Variants in CD79A observed in about 807,000 individuals in gnomAD.
CD79A encodes the protein B-cell antigen receptor complex-associated protein alpha chain.
CD79A carries 16 observed loss-of-function variants against 27.4 expected under a neutral mutation model. That is an observed-to-expected ratio of 0.58 (90% CI 0.40 to 0.89). CD79A has a LOEUF of 0.89. Among genes scored for constraint, CD79A ranks in the 40% least tolerant of loss-of-function variants. CD79A has a pLI of 0.00. For missense variants in CD79A, 237 were observed against 299.7 expected, an observed-to-expected ratio of 0.79 and a Z score of 1.55; for synonymous variants, 110 against 132.7, an observed-to-expected ratio of 0.83 and a Z score of 1.18.
At position 41,880,391 on chromosome 19, in the gene CD79A, AAGAGAGAG is replaced by A. The variant is rs370824087; in HGVS notation, c.499-256_499-249del. Among the ~76,000 whole-genome samples the A allele has an allele frequency of 1.6e-3, 198 of 121,592 alleles. 2 individuals are homozygous for A. In the East Asian group the frequency reaches 0.027, roughly 17 times the overall value. The allele number at this position is 121,592 out of a possible 152,430, so 79.8% of individuals were successfully genotyped here. ...GGGAGAAGAAAGAGAGAGAGAGAGA[AAGAGAGAG>A]AGAGAGAGAGAGAGAGAGAGAGGGC... On this transcript the variant is annotated intron_variant, in intron 3 of 4. Coordinates refer to ENST00000221972, the MANE Select transcript of CD79A (RefSeq NM_001783.4).
At chr19:41,880,455 A>AGGGAAG (rs1409047534) in intron 3 of CD79A, among the ~76,000 whole-genome samples, 40 of 50,158 alleles carry the variant, frequency 8.0e-4, no homozygotes, top group South Asian at 2.6e-3. Flanking sequence ...AGGGAAGGGA[A>AGGGAAG]GGAAGGAAGG....
rs2074195298 is a variant in CD79A at position 41,877,431 on chromosome 19, G to C, written c.79+48G>C. The C allele has an allele frequency of 6.7e-7, 1 of 1,492,230 alleles. No homozygotes were observed. The highest frequency in any genetic ancestry group is 9.4e-7 in the Non-Finnish European group (1 of 1,068,826). The allele number at this position is 1,492,230 out of a possible 1,614,324, so 92.4% of individuals were successfully genotyped here. ...CTGGCGGGAGGTGGGGGAAGCTGTG[G>C]AGGCTGCAGAGAGGGCACAGGCAGA... On this transcript the variant is annotated intron_variant, in intron 1 of 4. Coordinates refer to ENST00000221972, the MANE Select transcript of CD79A (RefSeq NM_001783.4). This position sits in a 1 kb window ranked among gnomAD's most constrained non-coding sequence, Gnocchi z 4.1.
At position 41,878,965 on chromosome 19, in the gene CD79A, A is replaced by AC; in HGVS notation, c.80-22dup. 9.8e-6 allele frequency: 6 copies of AC among 612,060 alleles called. No individual in the cohort carries two copies. Among genetic ancestry groups the AC allele is most frequent in the Non-Finnish European group, 1.9e-5 (6 of 322,936 alleles). 37.9% of individuals were successfully genotyped at this position (612,060 alleles called of 1,614,324 possible). A position where few individuals can be genotyped will look rare whatever the true frequency, so the allele number is the denominator to read the frequency against. On this transcript the variant is annotated intron_variant, in intron 1 of 4. Transcript: ENST00000221972. This position sits in a 1 kb window ranked among gnomAD's most constrained non-coding sequence, Gnocchi z 4.3. The stretch of plus-strand genomic sequence containing the variant: ...AATGTGTCACCATCCCCAGTCCCTG[A>AC]CCCACCCACCCTGTCTCTCCACAGG...
rs1288249901 is a variant in CD79A, at chr19:41,879,175, G to A, written c.265G>A (p.Gly89Ser). Residue 89 changes from glycine (G) to serine (S), a missense_variant, in exon 2 of 5, where the codon GGT becomes AGT. Transcript: ENST00000221972. This position sits in a 1 kb window ranked among gnomAD's most constrained non-coding sequence, Gnocchi z 5.1. ...EFLGPGEDPN[G>S]TLIIQNVNKS... ...CTTGGGCCCGGGCGAGGACCCCAAT[G>A]GTACGCTGATCATCCAGAATGTGAA... 6.2e-7 allele frequency: 1 copy of A among 1,613,960 alleles called. No homozygotes were observed.
At position 41,879,397 on chromosome 19, in the gene CD79A, C is replaced by G. The variant is rs1250308268; in HGVS notation, c.379+108C>G. 7.7e-7 allele frequency: 1 copy of G among 1,295,574 alleles called. No homozygotes were observed. Among genetic ancestry groups the G allele is most frequent in the African/African-American group, 1.5e-5 (1 of 68,434 alleles). The allele number at this position is 1,295,574 out of a possible 1,614,324, so 80.3% of individuals were successfully genotyped here. On this transcript the variant is annotated intron_variant, in intron 2 of 4. Transcript: ENST00000221972. This position sits in a 1 kb window ranked among gnomAD's most constrained non-coding sequence, Gnocchi z 5.1. ...ACCTTCAATGTGGGTTTCAAACCGG[C>G]TTGGACAGAGGGACGGACATTCTCC...
Position 41,879,138 on chromosome 19 carries a change from G to A in CD79A, c.228G>A (p.Trp76Ter). Residue 76 changes from tryptophan to a stop codon, truncating the protein, a stop_gained, in exon 2 of 5, where the codon TGG (tryptophan) becomes TGA (stop). Transcript: ENST00000221972. LOFTEE classifies it high-confidence loss of function. The surrounding 1 kb of genome is among the most constrained non-coding windows in gnomAD (Gnocchi z 5.1). ...GCGTCCTCCATGGCAACTACACGTGGCCCCCTGAGTTCTTGGGCCCGGGCG... is the reference window on the plus strand; with the variant it reads ...GCGTCCTCCATGGCAACTACACGTGACCCCCTGAGTTCTTGGGCCCGGGCG... ...WWRVLHGNYT[W>*]PPEFLGPGED... The A allele has an allele frequency of 6.2e-7, 1 of 1,614,078 alleles. No homozygotes were observed. The highest frequency in any genetic ancestry group is 8.5e-7 in the Non-Finnish European group (1 of 1,180,028).
At chr19:41,880,001 T>G (rs975543788) in intron 3 of CD79A, among the ~76,000 whole-genome samples, 12 of 151,944 alleles carry the variant, frequency 7.9e-5, no homozygotes, top group Non-Finnish European at 1.5e-5. Context: ...CCAGGGAAGG[T>G]GGGGCCTGGT....
chr19:41,881,271 C>G lies in CD79A; in HGVS notation c.*291C>G, dbSNP rs1213660314. 2 of 529,658 alleles carry G rather than the reference C, an allele frequency of 3.8e-6. No individual in the cohort carries two copies. The highest frequency in any genetic ancestry group is 6.9e-6 in the Non-Finnish European group (2 of 290,656). 32.8% of individuals were successfully genotyped at this position (529,658 alleles called of 1,614,324 possible). A position where few individuals can be genotyped will look rare whatever the true frequency, so the allele number is the denominator to read the frequency against. On this transcript the variant is annotated 3_prime_UTR_variant, in exon 5 of 5. Coordinates refer to ENST00000221972, the MANE Select transcript of CD79A (RefSeq NM_001783.4). ...CCCCAGCGGGTAATGAGCCCTTAATCGCTGCCTCTAGGGGAGCTGATTGTA... is the reference window on the plus strand; with the variant it reads ...CCCCAGCGGGTAATGAGCCCTTAATGGCTGCCTCTAGGGGAGCTGATTGTA...
At position 41,881,302 on chromosome 19, in the gene CD79A, C is replaced by T. The variant is rs546799122; in HGVS notation, c.*322C>T. 332 of 483,730 alleles carry T rather than the reference C, an allele frequency of 6.9e-4. 4 individuals carry two copies. Among genetic ancestry groups the T allele is most frequent in the African/African-American group, 5.9e-3 (306 of 52,162 alleles). The allele number at this position is 483,730 out of a possible 1,614,324, so 30.0% of individuals were successfully genotyped here. A position where few individuals can be genotyped will look rare whatever the true frequency, so the allele number is the denominator to read the frequency against. ...CTCTAGGGGAGCTGATTGTAGCAGC[C>T]TCGTTAGTGTCACCCCCTCCTCCCT... On this transcript the variant is annotated 3_prime_UTR_variant, in exon 5 of 5. Coordinates refer to ENST00000221972, the MANE Select transcript of CD79A (RefSeq NM_001783.4).
In CD79A at chr19:41,881,065, C is replaced by CA. The variant is rs2074221766; in HGVS notation, c.*86dup. On this transcript the variant is annotated 3_prime_UTR_variant, in exon 5 of 5. Transcript: ENST00000221972. Reference sequence around the variant, plus strand: ...TCACTTCCCTGGGACATTCTCCTTTCAGCCCTTCTGGGGGCTTCCTTAGTC... The same window carrying CA: ...TCACTTCCCTGGGACATTCTCCTTTCAAGCCCTTCTGGGGGCTTCCTTAGTC... 1.2e-6 allele frequency: 1 copy of CA among 862,930 alleles called. No individual in the cohort carries two copies. Among genetic ancestry groups the CA allele is most frequent in the African/African-American group, 1.7e-5 (1 of 60,064 alleles). The allele number at this position is 862,930 out of a possible 1,614,324, so 53.5% of individuals were successfully genotyped here.
intron 3 of CD79A, among the ~76,000 whole-genome samples, chr19:41,880,375 A>AAGAG (rs1277491929): frequency 1.4e-5 from 2 of 141,884 alleles, no homozygotes; most frequent in African/African-American, 2.6e-5. Context: ...AGGGAGAAGA[A>AAGAG]AGAGAGAGAG....
In CD79A at chr19:41,879,084, C is replaced by T; in HGVS notation, c.174C>T (p.Ser58=). The change falls in exon 2 of 5, where the codon AGC becomes AGT. Residue 58 remains serine, a synonymous_variant. Coordinates refer to ENST00000221972, the MANE Select transcript of CD79A (RefSeq NM_001783.4). The surrounding 1 kb of genome is among the most constrained non-coding windows in gnomAD (Gnocchi z 5.1). ...CCCACTTCCAATGCCCGCACAATAG[C>T]AGCAACAACGCCAACGTCACCTGGT... The part of the protein sequence containing the change: ...EDAHFQCPHN[S]SNNANVTWWR... The T allele has an allele frequency of 6.2e-7, 1 of 1,614,048 alleles. No homozygotes were observed. Among genetic ancestry groups the T allele is most frequent in the Non-Finnish European group, 8.5e-7 (1 of 1,179,996 alleles).
Position 41,881,287 on chromosome 19 carries a change from G to A in CD79A, c.*307G>A. ...GCCCTTAATCGCTGCCTCTAGGGGA[G>A]CTGATTGTAGCAGCCTCGTTAGTGT... On this transcript the variant is annotated 3_prime_UTR_variant, in exon 5 of 5. Transcript: ENST00000221972. The A allele has an allele frequency of 2.0e-6, 1 of 500,596 alleles. No individual in the cohort carries two copies. The highest frequency in any genetic ancestry group is 3.7e-6 in the Non-Finnish European group (1 of 272,464). 31.0% of individuals were successfully genotyped at this position (500,596 alleles called of 1,614,324 possible).
Position 41,877,346 on chromosome 19 carries a change from C to T in CD79A, c.42C>T (p.Thr14=). 2 of 1,614,158 alleles carry T rather than the reference C, an allele frequency of 1.2e-6. No homozygotes were observed. Among genetic ancestry groups the T allele is most frequent in the Non-Finnish European group, 1.7e-6 (2 of 1,179,998 alleles). Residue 14 remains threonine (T), a synonymous_variant, in exon 1 of 5, where the codon ACC becomes ACT. Transcript: ENST00000221972. The surrounding 1 kb of genome is among the most constrained non-coding windows in gnomAD (Gnocchi z 4.1). ...GPGVLQALPA[T]IFLLFLLSAV... Reference sequence around the variant, plus strand: ...GAGTCCTCCAAGCTCTGCCTGCCACCATCTTCCTCCTCTTCCTGCTGTCTG... The same window carrying T: ...GAGTCCTCCAAGCTCTGCCTGCCACTATCTTCCTCCTCTTCCTGCTGTCTG...
At chr19:41,880,636 C>T (rs1358427906) in intron 3 of CD79A, 34 bp from the exon 4 acceptor site, 1 of 1,420,472 alleles carries the variant, frequency 7.0e-7, no homozygotes, top group Admixed American at 2.0e-5. Context: ...CCTCCCCCTG[C>T]TCACTGAGGC....
In CD79A at chr19:41,879,002, AG is replaced by A; in HGVS notation, c.94del (p.Ala32ProfsTer11). The A allele has an allele frequency of 8.3e-7, 1 of 1,212,068 alleles. No homozygotes were observed. The highest frequency in any genetic ancestry group is 1.1e-6 in the Non-Finnish European group (1 of 883,982). The allele number at this position is 1,212,068 out of a possible 1,614,324, so 75.1% of individuals were successfully genotyped here. On this transcript the variant is annotated frameshift_variant, in exon 2 of 5. Transcript: ENST00000221972. LOFTEE classifies it high-confidence loss of function. This position sits in a 1 kb window ranked among gnomAD's most constrained non-coding sequence, Gnocchi z 5.1. ...LSAVYLGPGCQALWMHKVPAS... is the reference protein window; with the variant it reads ...LSAVYLGPGCXALWMHKVPAS... ...TGTCTCTCCACAGGCCCTGGGTGCC[AG>A]GCCCTGTGGATGCACAAGGTCCCAG...
At position 41,879,645 on chromosome 19, in the gene CD79A, C is replaced by T. The variant is rs1475475481; in HGVS notation, c.490C>T (p.Leu164=). The change falls in exon 3 of 5, where the codon CTG becomes TTG. Residue 164 remains leucine, a synonymous_variant. Coordinates refer to ENST00000221972, the MANE Select transcript of CD79A (RefSeq NM_001783.4). The surrounding 1 kb of genome is among the most constrained non-coding windows in gnomAD (Gnocchi z 5.1). The part of the protein sequence containing the change: ...FCAVVPGTLL[L]FRKRWQNEKL... ...CGCGGTGGTGCCTGGGACGCTGCTG[C>T]TGTTCAGGGTGAGCCCCCTCGGACC... is the stretch of plus-strand genomic sequence containing the variant. The T allele has an allele frequency of 6.2e-7, 1 of 1,606,534 alleles. No individual in the cohort carries two copies. Among genetic ancestry groups the T allele is most frequent in the Middle Eastern group, 1.7e-4 (1 of 6,048 alleles).
In CD79A at chr19:41,878,426, G is replaced by T. The variant is rs554540610; in HGVS notation, c.80-564G>T. On this transcript the variant is annotated intron_variant, in intron 1 of 4. Coordinates refer to ENST00000221972, the MANE Select transcript of CD79A (RefSeq NM_001783.4). The surrounding 1 kb of genome is among the most constrained non-coding windows in gnomAD (Gnocchi z 4.3). ...TCCCAGAGCCTCAGCCATCCCTCCT[G>T]TAAAATGGGGCTAAGGAGAGAACCT... Among the ~76,000 whole-genome samples, 1 of 151,772 alleles carries T rather than the reference G, an allele frequency of 6.6e-6. No individual in the cohort carries two copies. The highest frequency in any genetic ancestry group is 2.0e-4 in the East Asian group (1 of 5,070).
At position 41,878,962 on chromosome 19, in the gene CD79A, CTG is replaced by C; in HGVS notation, c.80-27_80-26del. On this transcript the variant is annotated intron_variant, in intron 1 of 4. Coordinates refer to ENST00000221972, the MANE Select transcript of CD79A (RefSeq NM_001783.4). The surrounding 1 kb of genome is among the most constrained non-coding windows in gnomAD (Gnocchi z 4.3). ...GGAAATGTGTCACCATCCCCAGTCC[CTG>C]ACCCACCCACCCTGTCTCTCCACAG... 6.1e-6 allele frequency: 8 copies of C among 1,316,154 alleles called. No individual in the cohort carries two copies. The highest frequency in any genetic ancestry group is 7.6e-6 in the Non-Finnish European group (7 of 919,942). The allele number at this position is 1,316,154 out of a possible 1,614,324, so 81.5% of individuals were successfully genotyped here.
Sources: gnomAD v4.1 joint callset for allele counts (sites outside exome capture counted in the v4.1 genomes callset) on GRCh38, gnomAD v4.1.1 for gene constraint, Gnocchi (gnomAD v3.1) non-coding constraint, MANE v1.5 for transcripts, NCBI Gene and HGNC (gene_info 2026-07-23, HGNC 2026-07-21) for gene names.